COG2: variants seen among roughly 807,000 people sequenced by gnomAD.
COG2 encodes component of oligomeric golgi complex 2, also known as conserved oligomeric Golgi complex subunit 2.
In COG2, 52 loss-of-function variants were observed where a neutral mutation model predicts 90.6. The ratio of observed to expected loss-of-function variants is 0.57; its 90% CI spans 0.46 to 0.72. The LOEUF (loss-of-function observed/expected upper bound fraction) is 0.72. Ranked by LOEUF, COG2 falls within the 30% of genes least tolerant of loss-of-function variation. The pLI is 0.00. For missense variants in COG2, 829 were observed against 891.2 expected, an observed-to-expected ratio of 0.93 and a Z score of 0.89; for synonymous variants, 337 against 320.4, an observed-to-expected ratio of 1.05 and a Z score of -0.55.
intron 1 of COG2, among the ~76,000 whole-genome samples, chr1:230,647,630 G>A (rs74913215): frequency 0.06 from 9,081 of 152,048 alleles, 565 homozygotes; most frequent in African/African-American, 0.16. Context: ...CTCAGTATCC[G>A]CAGAGGATTG....
chr1:230,653,029 C>T (rs183265716), intron 1 of COG2, among the ~76,000 whole-genome samples: 1 of 152,208 alleles, frequency 6.6e-6, no homozygotes, highest in Non-Finnish European at 1.5e-5. Flanking sequence ...GATCTACTCT[C>T]TTAGCACATT....
chr1:230,671,630 G>A lies in COG2; in HGVS notation c.889G>A (p.Ala297Thr), dbSNP rs752216823. 9.9e-6 allele frequency: 16 copies of A among 1,613,312 alleles called. 1 individual carries two copies. Among genetic ancestry groups the A allele is most frequent in the Middle Eastern group, 1.6e-4 (1 of 6,068 alleles). The part of the protein sequence containing the change: ...CRLLREVTGG[A>T]ISSEKGNTVP... Reference sequence around the variant, plus strand: ...CCTTCTTCGAGAAGTCACAGGAGGTGCCATCTCCAGGTAATTTAAACAACC... The same window carrying A: ...CCTTCTTCGAGAAGTCACAGGAGGTACCATCTCCAGGTAATTTAAACAACC... Residue 297 changes from alanine to threonine, a missense_variant, in exon 8 of 18, where the codon GCC becomes ACC. Coordinates refer to ENST00000366669, the MANE Select transcript of COG2 (RefSeq NM_007357.3).
intron 1 of COG2, among the ~76,000 whole-genome samples, chr1:230,657,231 T>G (rs1406188689): frequency 6.6e-6 from 1 of 152,218 alleles, no homozygotes; most frequent in African/African-American, 2.4e-5. Context: ...GTTTAGTGCT[T>G]CCTTCAGGAG....
Position 230,660,832 on chromosome 1 carries a change from C to A in COG2, c.300+9C>A. 1 of 1,557,182 alleles carries A rather than the reference C, an allele frequency of 6.4e-7. No homozygotes were observed. The highest frequency in any genetic ancestry group is 8.7e-7 in the Non-Finnish European group (1 of 1,149,682). On this transcript the variant is annotated intron_variant, in intron 3 of 17. Coordinates refer to ENST00000366669, the MANE Select transcript of COG2 (RefSeq NM_007357.3). Reference sequence around the variant, plus strand: ...TACGAGAAGAGGTTCTGGTAAGTTTCCCGAATAACATCAAACAGTTTACCC... The same window carrying A: ...TACGAGAAGAGGTTCTGGTAAGTTTACCGAATAACATCAAACAGTTTACCC...
chr1:230,664,332 T>G (rs1662262002), intron 4 of COG2, 152 bp from the exon 5 acceptor site: 1 of 394,896 alleles, frequency 2.5e-6, no homozygotes, highest in African/African-American at 2.1e-5. Context: ...TTCTTGGGAA[T>G]TTTGTGTTAT....
intron 1 of COG2, among the ~76,000 whole-genome samples, chr1:230,645,211 G>A (rs907476911): frequency 1.3e-4 from 18 of 138,550 alleles, no homozygotes; most frequent in African/African-American, 4.6e-4. Flanking sequence ...ACTTCAGCCT[G>A]GGCAACAGAA....
At position 230,675,124 on chromosome 1, in the gene COG2, G is replaced by A; in HGVS notation, c.1026G>A (p.Glu342=). 6.2e-7 allele frequency: 1 copy of A among 1,609,040 alleles called. No homozygotes were observed. Among genetic ancestry groups the A allele is most frequent in the Non-Finnish European group, 8.5e-7 (1 of 1,177,654 alleles). The change falls in exon 9 of 18, where the codon GAG becomes GAA. Residue 342 remains glutamate (E), a splice_region_variant and synonymous_variant. Transcript: ENST00000366669. Reference sequence around the variant, plus strand: ...CTGGGAATCCCGATGCATTTCATGAGGTATCTCCCCGCCCGTCGTCTTGAT... The same window carrying A: ...CTGGGAATCCCGATGCATTTCATGAAGTATCTCCCCGCCCGTCGTCTTGAT... ...FNPGNPDAFH[E]KYTISMDFVR... is the part of the protein sequence containing the mutation.
intron 17 of COG2, among the ~76,000 whole-genome samples, chr1:230,692,770 G>A (rs1663065880): frequency 7.4e-6 from 1 of 135,044 alleles, no homozygotes; most frequent in African/African-American, 2.6e-5. Flanking sequence ...GTGTATGGAT[G>A]TATACGTGTG....
intron 10 of COG2, chr1:230,682,902 A>G (rs1310702611): frequency 6.6e-6 from 1 of 152,228 alleles, no homozygotes; most frequent in African/African-American, 2.4e-5. Context: ...TCATAAAAAC[A>G]TGTCCATATC....
intron 12 of COG2, among the ~76,000 whole-genome samples, chr1:230,685,454 T>G (rs1466783554): frequency 1.1e-4 from 17 of 152,172 alleles, no homozygotes; most frequent in Non-Finnish European, 1.5e-5. Context: ...AAACTTATTT[T>G]GTTGAAAAGC....
chr1:230,674,493 A>G (rs1662537790), intron 8 of COG2, among the ~76,000 whole-genome samples: 1 of 152,274 alleles, frequency 6.6e-6, no homozygotes, highest in African/African-American at 2.4e-5. Flanking sequence ...AAGATTTGTG[A>G]TAAGATTTCA....
intron 9 of COG2, among the ~76,000 whole-genome samples, chr1:230,677,861 T>C (rs1296508982): frequency 6.6e-6 from 1 of 152,220 alleles, no homozygotes; most frequent in Non-Finnish European, 1.5e-5. Flanking sequence ...GAGGGCAATA[T>C]CTTTATATTT....
chr1:230,644,280 A>G (rs1317818425), intron 1 of COG2, among the ~76,000 whole-genome samples: 1 of 152,272 alleles, frequency 6.6e-6, no homozygotes, highest in Admixed American at 6.5e-5. Flanking sequence ...AAGAAAATAC[A>G]TAGAACAGCT....
Position 230,693,342 on chromosome 1 carries a change from C to T in COG2, c.2166C>T (p.Leu722=), listed in dbSNP as rs2296801. The change falls in exon 18 of 18, where the codon CTC becomes CTT. Residue 722 remains leucine (L), a synonymous_variant. Coordinates refer to ENST00000366669, the MANE Select transcript of COG2 (RefSeq NM_007357.3). ...QASDIKSFSA[L]AELVAAAKDQ... ...GTGACATAAAAAGCTTCTCAGCTCT[C>T]GCAGAGCTTGTTGCTGCTGCCAAGG... The T allele has an allele frequency of 1.2e-3, 1,878 of 1,613,608 alleles. 35 individuals are homozygous for T. In the East Asian group the frequency reaches 0.036, roughly 31 times the overall value.
chr1:230,693,468 G>A lies in COG2; in HGVS notation c.*75G>A. On this transcript the variant is annotated 3_prime_UTR_variant, in exon 18 of 18. Coordinates refer to ENST00000366669, the MANE Select transcript of COG2 (RefSeq NM_007357.3). ...ACTTCCAGGCTGAAGGGGAGAAAGT[G>A]ACTCTGTTCTCTTAGCAACCGTCTG... 1 of 902,984 alleles carries A rather than the reference G, an allele frequency of 1.1e-6. No homozygotes were observed. The highest frequency in any genetic ancestry group is 1.6e-5 in the South Asian group (1 of 64,128). The allele number at this position is 902,984 out of a possible 1,614,324, so 55.9% of individuals were successfully genotyped here. A position where few individuals can be genotyped will look rare whatever the true frequency, so the allele number is the denominator to read the frequency against.
chr1:230,671,405 G>A, intron 7 of COG2, 111 bp from the exon 8 acceptor site: 1 of 854,318 alleles, frequency 1.2e-6, no homozygotes, highest in South Asian at 1.7e-5. Context: ...AGGGAGGAGG[G>A]TGAGTGTGAG....
At chr1:230,671,731 T>C (rs1322082275) in intron 8 of COG2, 91 bp downstream of exon 8, 1 of 1,205,532 alleles carries the variant, frequency 8.3e-7, no homozygotes, top group African/African-American at 1.5e-5. Context: ...GACTGTCTTG[T>C]ATGAACTGTC....
Position 230,683,596 on chromosome 1 carries a change from T to G in COG2, c.1189T>G (p.Leu397Val). 1 of 1,612,304 alleles carries G rather than the reference T, an allele frequency of 6.2e-7. No homozygotes were observed. The highest frequency in any genetic ancestry group is 8.5e-7 in the Non-Finnish European group (1 of 1,178,560). Residue 397 changes from leucine to valine, a missense_variant, in exon 11 of 18, where the codon TTA (leucine) becomes GTA (valine). By Grantham distance (32) the Leu-to-Val change is conservative (BLOSUM62 1). Coordinates refer to ENST00000366669, the MANE Select transcript of COG2 (RefSeq NM_007357.3). ...QIRFREIAGS[L>V]EAALTDVLED... ...CAGATTTAGAGAAATAGCGGGATCC[T>G]TAGAAGCAGCACTTACAGATGTCCT...
intron 9 of COG2, among the ~76,000 whole-genome samples, chr1:230,677,242 A>G (rs1571957449): frequency 2.0e-5 from 3 of 152,244 alleles, no homozygotes; most frequent in Admixed American, 2.0e-4. Flanking sequence ...CCACCTGCAC[A>G]TTGAGTTTCT....
Sources: allele counts gnomAD v4.1 joint callset (sites outside exome capture counted in the v4.1 genomes callset), GRCh38; gene constraint gnomAD v4.1.1; transcripts MANE v1.5; gene names NCBI Gene and HGNC (gene_info 2026-07-23, HGNC 2026-07-21).